RNF220: variants seen among roughly 807,000 people sequenced by gnomAD.
RNF220 encodes the protein ring finger protein 220.
A neutral mutation model predicts 67.1 loss-of-function variants in RNF220; 7 were observed. The observed-to-expected ratio is 0.10, with a 90% confidence interval of 0.06 to 0.20. The LOEUF (loss-of-function observed/expected upper bound fraction) is 0.20. RNF220 is among the 10% of genes least tolerant of loss of function. The pLI is 1.00. For missense variants in RNF220, 565 were observed against 740.3 expected, an observed-to-expected ratio of 0.76 and a Z score of 2.75; for synonymous variants, 270 against 283.2, an observed-to-expected ratio of 0.95 and a Z score of 0.47.
chr1:44,496,389 G>A (rs180702612), intron 2 of RNF220, among the ~76,000 whole-genome samples: 1 of 152,324 alleles, frequency 6.6e-6, no homozygotes, highest in African/African-American at 2.4e-5. Flanking sequence ...CTCTGGAAGA[G>A]GGATAGACAG....
intron 2 of RNF220, among the ~76,000 whole-genome samples, chr1:44,507,220 T>C (rs1031220331): frequency 6.6e-6 from 1 of 152,180 alleles, no homozygotes; most frequent in East Asian, 1.9e-4. Context: ...CTTCTTCTGC[T>C]TTGGCCCTTT....
At position 44,641,167 on chromosome 1, in the gene RNF220, A is replaced by G. The variant is rs547563996; in HGVS notation, c.1127-3531A>G. Reference sequence around the variant, plus strand: ...TTAACTCTCTCCCTCTTTGTTGCTCAGTTTTCACTGTGAGGAGAAGGATAT... The same window carrying G: ...TTAACTCTCTCCCTCTTTGTTGCTCGGTTTTCACTGTGAGGAGAAGGATAT... On this transcript the variant is annotated intron_variant, in intron 8 of 14. Coordinates refer to ENST00000361799, the MANE Select transcript of RNF220 (RefSeq NM_018150.4). 2.0e-5 allele frequency among the ~76,000 whole-genome samples: 3 copies of G among 152,224 alleles called. No individual in the cohort carries two copies. In the South Asian group the frequency reaches 6.2e-4, roughly 32 times the overall value.
At chr1:44,459,233 C>A (rs1003662762) in intron 2 of RNF220, among the ~76,000 whole-genome samples, 18 of 151,368 alleles carry the variant, frequency 1.2e-4, no homozygotes, top group Non-Finnish European at 2.2e-4. Context: ...TGTGGGGGTT[C>A]ACTTTGCTTT....
At chr1:44,440,739 A>C (rs918808999) in intron 2 of RNF220, among the ~76,000 whole-genome samples, 7 of 152,332 alleles carry the variant, frequency 4.6e-5, no homozygotes, top group African/African-American at 1.7e-4. Context: ...AATTCTGACT[A>C]AGAACAGACA....
At chr1:44,550,998 C>T (rs755086040) in intron 2 of RNF220, among the ~76,000 whole-genome samples, 31 of 152,198 alleles carry the variant, frequency 2.0e-4, no homozygotes, top group Non-Finnish European at 3.4e-4. Context: ...GCACCTCCAT[C>T]GCAGCAGAGC....
rs76752324 is a variant in RNF220 at position 44,436,163 on chromosome 1, G to A, written c.625+23441G>A. Among the ~76,000 whole-genome samples the A allele has an allele frequency of 7.3e-3, 1,115 of 151,974 alleles. 19 individuals carry two copies. The highest frequency in any genetic ancestry group is 0.025 in the African/African-American group (1,055 of 41,450). ...CTGGAGCGCAGGGAGCTCTTGTCTT[G>A]TATCTAGTTAAATGCCTCGATTAAG... On this transcript the variant is annotated intron_variant, in intron 2 of 14. Transcript: ENST00000361799.
intron 5 of RNF220, chr1:44,632,012 C>T (rs1644149114): frequency 9.7e-7 from 1 of 1,033,304 alleles, no homozygotes; most frequent in African/African-American, 1.7e-5. Flanking sequence ...GAAGTGCCGC[C>T]GCCGCCGGGC....
intron 2 of RNF220, among the ~76,000 whole-genome samples, chr1:44,590,142 T>C (rs908637100): frequency 2.0e-5 from 3 of 152,206 alleles, no homozygotes; most frequent in Admixed American, 1.3e-4. Flanking sequence ...TGATGATCCC[T>C]GAGCCAAGGA....
chr1:44,466,873 A>G (rs1302503029), intron 2 of RNF220, among the ~76,000 whole-genome samples: 3 of 152,220 alleles, frequency 2.0e-5, no homozygotes, highest in African/African-American at 7.2e-5. Context: ...GGGCCCTAGG[A>G]TATTTGGAAT....
chr1:44,487,153 G>A (rs941027207), intron 2 of RNF220, among the ~76,000 whole-genome samples: 6 of 151,804 alleles, frequency 4.0e-5, no homozygotes, highest in South Asian at 2.1e-4. Flanking sequence ...TGGCCAACAT[G>A]GTGAAACCCT....
rs1396555085 is a variant in RNF220, at chr1:44,650,477, T to G, written c.1630-227T>G. On this transcript the variant is annotated intron_variant, in intron 14 of 14. Coordinates refer to ENST00000361799, the MANE Select transcript of RNF220 (RefSeq NM_018150.4). The surrounding 1 kb of genome is among the most constrained non-coding windows in gnomAD (Gnocchi z 4.3). ...CTGGACCCAGCCTTGTTCTCATTAC[T>G]GGGGCTCCTGCTGCGGGGCTGGCCA... The G allele has an allele frequency of 1.7e-6, 1 of 583,132 alleles. No homozygotes were observed. The highest frequency in any genetic ancestry group is 3.1e-6 in the Non-Finnish European group (1 of 324,716). The allele number at this position is 583,132 out of a possible 1,614,324, so 36.1% of individuals were successfully genotyped here.
At chr1:44,618,393 A>C (rs1457269592) in intron 3 of RNF220, among the ~76,000 whole-genome samples, 1 of 152,218 alleles carries the variant, frequency 6.6e-6, no homozygotes, top group Non-Finnish European at 1.5e-5. Context: ...GTGCACAGAC[A>C]CTTACAGGAA....
At chr1:44,642,109 C>T (rs535122576) in intron 8 of RNF220, among the ~76,000 whole-genome samples, 1 of 152,366 alleles carries the variant, frequency 6.6e-6, no homozygotes, top group African/African-American at 2.4e-5. Flanking sequence ...GAGATCACAA[C>T]AGTGAGTCAA....
intron 2 of RNF220, among the ~76,000 whole-genome samples, chr1:44,500,572 C>T (rs58052413): frequency 0.023 from 3,533 of 152,282 alleles, 138 homozygotes; most frequent in African/African-American, 0.081. Context: ...CCCCAATGAG[C>T]GTGTATGATA....
chr1:44,519,833 A>G (rs535818304), intron 2 of RNF220, among the ~76,000 whole-genome samples: 1 of 152,208 alleles, frequency 6.6e-6, no homozygotes, highest in South Asian at 2.1e-4. Flanking sequence ...ATAACCTTGG[A>G]CCAAATTGTT....
chr1:44,413,053 C>T (rs890740718), intron 2 of RNF220, among the ~76,000 whole-genome samples: 1 of 152,162 alleles, frequency 6.6e-6, no homozygotes. Context: ...AGTGTCGGCT[C>T]CTAGGGAATT....
At chr1:44,548,916 T>C (rs929670618) in intron 2 of RNF220, among the ~76,000 whole-genome samples, 2 of 152,172 alleles carry the variant, frequency 1.3e-5, no homozygotes, top group Non-Finnish European at 2.9e-5. Flanking sequence ...ACAGCTATGA[T>C]TGGCCGGGCG....
intron 2 of RNF220, among the ~76,000 whole-genome samples, chr1:44,596,289 C>T (rs935824627): frequency 2.0e-5 from 3 of 151,918 alleles, no homozygotes; most frequent in African/African-American, 4.8e-5. Flanking sequence ...GGGCTGGGTG[C>T]GGTGGCTCAT....
intron 1 of RNF220, among the ~76,000 whole-genome samples, chr1:44,410,001 A>G (rs1647807450): frequency 6.6e-6 from 1 of 152,232 alleles, no homozygotes; most frequent in South Asian, 2.1e-4. Context: ...TTTCAGTGTA[A>G]TGAAGTTTTC....
Sources: allele counts gnomAD v4.1 joint callset (sites outside exome capture counted in the v4.1 genomes callset), GRCh38; gene constraint gnomAD v4.1.1; non-coding constraint Gnocchi (gnomAD v3.1); transcripts MANE v1.5; gene names NCBI Gene and HGNC (gene_info 2026-07-23, HGNC 2026-07-21).